MKRN2: variants seen among roughly 807,000 people sequenced by gnomAD.
The protein encoded by MKRN2 is E3 ubiquitin-protein ligase makorin-2.
In MKRN2, 32 loss-of-function variants were observed where a neutral mutation model predicts 45.4. The ratio of observed to expected loss-of-function variants is 0.70; its 90% CI spans 0.53 to 0.95. MKRN2 has a LOEUF of 0.95. Among genes scored for constraint, MKRN2 ranks in the 40% least tolerant of loss-of-function variants. The probability of loss-of-function intolerance (pLI) is 0.00; values close to 1 mark genes in which losing one functional copy is unlikely to be tolerated. For synonymous variants in MKRN2, 206 were observed against 192.4 expected (o/e 1.07, Z -0.59); for missense variants, 526 against 536.7 (o/e 0.98, Z 0.20).
intron 6 of MKRN2, among the ~76,000 whole-genome samples, chr3:12,580,341 G>A (rs1020284814): frequency 6.6e-6 from 1 of 152,184 alleles, no homozygotes; most frequent in Non-Finnish European, 1.5e-5. Context: ...CAGAACTCCA[G>A]GCAAGCAGGG....
chr3:12,576,285 A>G (rs1395072885), intron 5 of MKRN2, among the ~76,000 whole-genome samples: 2 of 151,348 alleles, frequency 1.3e-5, no homozygotes, highest in Non-Finnish European at 2.9e-5. Flanking sequence ...GCTTTGTTAC[A>G]TGGGTATCCA....
At position 12,576,621 on chromosome 3, in the gene MKRN2, C is replaced by A; in HGVS notation, c.858-10C>A. On this transcript the variant is annotated splice_polypyrimidine_tract_variant and intron_variant, in intron 5 of 7. Coordinates refer to ENST00000170447, the MANE Select transcript of MKRN2 (RefSeq NM_014160.5). ...TGACTTCTCCCTTAGTAATCTAATT[C>A]TTATTTCAGGTCTTGTCCAGAATGC... is the stretch of plus-strand genomic sequence containing the variant. The A allele has an allele frequency of 6.4e-7, 1 of 1,569,376 alleles. No individual in the cohort carries two copies.
At chr3:12,574,215 A>G (rs1417656294) in intron 4 of MKRN2, among the ~76,000 whole-genome samples, 2 of 152,204 alleles carry the variant, frequency 1.3e-5, no homozygotes, top group East Asian at 3.8e-4. Flanking sequence ...GGCTTGTCTC[A>G]GATCTGGACA....
chr3:12,581,188 G>A (rs559287107), intron 6 of MKRN2, among the ~76,000 whole-genome samples: 1 of 152,182 alleles, frequency 6.6e-6, no homozygotes, highest in Non-Finnish European at 1.5e-5. Flanking sequence ...ACTGTATGCT[G>A]TAGACCCATG....
Position 12,582,445 on chromosome 3 carries a change from A to T in MKRN2, c.*192A>T. 1.5e-6 allele frequency: 1 copy of T among 662,180 alleles called. No individual in the cohort carries two copies. The highest frequency in any genetic ancestry group is 2.3e-5 in the South Asian group (1 of 43,592). The allele number at this position is 662,180 out of a possible 1,614,324, so 41.0% of individuals were successfully genotyped here. The stretch of plus-strand genomic sequence containing the variant: ...AAGAGTGAAAGATATAAAGTAACCT[A>T]ATTAAATGTATGGAATTGCTATTTT... On this transcript the variant is annotated 3_prime_UTR_variant, in exon 8 of 8. Transcript: ENST00000170447.
chr3:12,578,965 G>A (rs1465118001), intron 6 of MKRN2, among the ~76,000 whole-genome samples: 1 of 151,506 alleles, frequency 6.6e-6, no homozygotes, highest in Non-Finnish European at 1.5e-5. Flanking sequence ...TGTAGAAAAG[G>A]GCCCCAGCCT....
intron 1 of MKRN2, among the ~76,000 whole-genome samples, chr3:12,557,552 G>A (rs1432522245): frequency 1.3e-5 from 2 of 152,230 alleles, no homozygotes; most frequent in Non-Finnish European, 2.9e-5. Flanking sequence ...CCGAGAGGAC[G>A]GTTACAAATG....
At chr3:12,571,098 GT>G (rs199772598) in intron 3 of MKRN2, among the ~76,000 whole-genome samples, 4,678 of 131,430 alleles carry the variant, frequency 0.036, 245 homozygotes, top group African/African-American at 0.14. Flanking sequence ...AATTGTAAAA[GT>G]TTTTTTGTTG....
chr3:12,566,299 C>A (rs979130961), intron 1 of MKRN2, among the ~76,000 whole-genome samples: 1 of 152,158 alleles, frequency 6.6e-6, no homozygotes. Flanking sequence ...CCTGTGTTTC[C>A]CTTCTCTTAA....
intron 1 of MKRN2, among the ~76,000 whole-genome samples, chr3:12,567,607 G>A (rs1010167377): frequency 6.7e-6 from 1 of 149,960 alleles, no homozygotes; most frequent in African/African-American, 2.5e-5. Context: ...TCCTGCCTCA[G>A]CCTCCCAAGT....
At chr3:12,581,979 G>T (rs765571401) in intron 7 of MKRN2, 27 bp downstream of exon 7, 1 of 1,611,584 alleles carries the variant, frequency 6.2e-7, no homozygotes, top group South Asian at 1.1e-5. Flanking sequence ...TCTCTAGTTG[G>T]GGACACTTAG....
intron 5 of MKRN2, among the ~76,000 whole-genome samples, 176 bp downstream of exon 5, chr3:12,575,182 A>G (rs929724113): frequency 6.6e-6 from 1 of 152,162 alleles, no homozygotes; most frequent in Non-Finnish European, 1.5e-5. Flanking sequence ...GCCTGTTCCT[A>G]TAAAAGATGG....
At chr3:12,580,226 A>G (rs73130307) in intron 6 of MKRN2, among the ~76,000 whole-genome samples, 1,570 of 152,316 alleles carry the variant, frequency 0.01, 20 homozygotes, top group African/African-American at 0.036. Flanking sequence ...CCAGTATATA[A>G]TGTGTTTGAC....
Position 12,568,743 on chromosome 3 carries a change from C to G in MKRN2, c.27-132C>G, listed in dbSNP as rs1399686642. 5 of 1,181,476 alleles carry G rather than the reference C, an allele frequency of 4.2e-6. No homozygotes were observed. In the African/African-American group the frequency reaches 6.2e-5, roughly 15 times the overall value. 73.2% of individuals were successfully genotyped at this position (1,181,476 alleles called of 1,614,324 possible). On this transcript the variant is annotated intron_variant, in intron 1 of 7. Transcript: ENST00000170447. ...GAATCAAGGAAATATATAGATCTCT[C>G]TCCAGTGCCTAATAGAGCCTTTATA...
At position 12,572,208 on chromosome 3, in the gene MKRN2, G is replaced by A. The variant is rs201250251; in HGVS notation, c.477G>A (p.Glu159=). ...DAIRSGLDDV[E]ASSSYSNEQQ... ...TCAGGAGTGGCCTTGATGACGTGGAGGCCAGCAGCTCCTACAGCAACGAGC... is the reference window on the plus strand; with the variant it reads ...TCAGGAGTGGCCTTGATGACGTGGAAGCCAGCAGCTCCTACAGCAACGAGC... The change falls in exon 4 of 8, where the codon GAG becomes GAA. Residue 159 remains glutamate (E), a synonymous_variant. Transcript: ENST00000170447. The A allele has an allele frequency of 3.7e-6, 6 of 1,614,052 alleles. No homozygotes were observed. In the East Asian group the frequency reaches 1.1e-4, roughly 30 times the overall value.
intron 1 of MKRN2, 136 bp from the exon 2 acceptor site, chr3:12,568,739 C>A: frequency 8.9e-7 from 1 of 1,118,560 alleles, no homozygotes; most frequent in Non-Finnish European, 1.2e-6. Flanking sequence ...ATATATAGAT[C>A]TCTCTCCAGT....
At position 12,574,232 on chromosome 3, in the gene MKRN2, G is replaced by A. The variant is rs527407767; in HGVS notation, c.643-560G>A. 3.3e-5 allele frequency among the ~76,000 whole-genome samples: 5 copies of A among 152,330 alleles called. No homozygotes were observed. The South Asian group carries it at 1.0e-3, about 32-fold the overall frequency. On this transcript the variant is annotated intron_variant, in intron 4 of 7. Coordinates refer to ENST00000170447, the MANE Select transcript of MKRN2 (RefSeq NM_014160.5). Reference sequence around the variant, plus strand: ...CTTGTCTCAGATCTGGACAGACTGAGCTTACAAGGGCTGGGCCTAGGTCTT... The same window carrying A: ...CTTGTCTCAGATCTGGACAGACTGAACTTACAAGGGCTGGGCCTAGGTCTT...
intron 3 of MKRN2, among the ~76,000 whole-genome samples, chr3:12,571,725 T>G (rs144549151): frequency 6.6e-6 from 1 of 152,342 alleles, no homozygotes; most frequent in East Asian, 1.9e-4. Flanking sequence ...ACTGTTTTTT[T>G]GTTTGTTTTA....
At chr3:12,569,435 C>A (rs1408083556) in intron 2 of MKRN2, among the ~76,000 whole-genome samples, 2 of 152,026 alleles carry the variant, frequency 1.3e-5, no homozygotes, top group Non-Finnish European at 2.9e-5. Flanking sequence ...GCTGGAATTA[C>A]AGGCGTGAGC....
Sources: allele counts gnomAD v4.1 joint callset (sites outside exome capture counted in the v4.1 genomes callset), GRCh38; gene constraint gnomAD v4.1.1; transcripts MANE v1.5; gene names NCBI Gene and HGNC (gene_info 2026-07-23, HGNC 2026-07-21).